Variants in ARHGEF4 observed in about 807,000 individuals in gnomAD.
The protein encoded by ARHGEF4 is Rho guanine nucleotide exchange factor 4, also known as APC-stimulated guanine nucleotide exchange factor 1.
A neutral mutation model predicts 162.0 loss-of-function variants in ARHGEF4; 119 were observed. The observed-to-expected ratio is 0.73, with a 90% CI of 0.63 to 0.86. The LOEUF is 0.86. ARHGEF4 is among the 40% of genes least tolerant of loss of function. The probability of loss-of-function intolerance (pLI) is 0.00; values close to 1 mark genes in which losing one functional copy is unlikely to be tolerated. For synonymous variants in ARHGEF4, 1,014 were observed against 979.9 expected (o/e 1.03, Z -0.65); for missense variants, 2,488 against 2,456.0 (o/e 1.01, Z -0.28).
At chr2:131,026,820 A>G (rs775151763) in intron 4 of ARHGEF4, among the ~76,000 whole-genome samples, 2 of 152,194 alleles carry the variant, frequency 1.3e-5, no homozygotes, top group Non-Finnish European at 2.9e-5. Flanking sequence ...TGGTGTGCCT[A>G]GGACCCAGCA....
At chr2:130,889,994 C>G (rs992736005) in intron 1 of ARHGEF4, among the ~76,000 whole-genome samples, 1 of 151,834 alleles carries the variant, frequency 6.6e-6, no homozygotes, top group Non-Finnish European at 1.5e-5. Context: ...GCATTTTTTC[C>G]TCCTCTGGCT....
At chr2:131,040,795 G>T (rs1049186662) in intron 8 of ARHGEF4, among the ~76,000 whole-genome samples, 1 of 152,210 alleles carries the variant, frequency 6.6e-6, no homozygotes, top group African/African-American at 2.4e-5. Flanking sequence ...TGCTTAGGCG[G>T]CAGATGCCGG....
intron 4 of ARHGEF4, among the ~76,000 whole-genome samples, chr2:130,990,403 A>T (rs529056893): frequency 5.9e-5 from 9 of 152,038 alleles, no homozygotes; most frequent in East Asian, 1.9e-4. Flanking sequence ...AAATAGATTT[A>T]TTATTATTAT....
chr2:130,936,812 T>C (rs1682968408), intron 3 of ARHGEF4, among the ~76,000 whole-genome samples: 1 of 152,062 alleles, frequency 6.6e-6, no homozygotes, highest in Non-Finnish European at 1.5e-5. Context: ...TGTAGATTCA[T>C]GTACTTTACC....
intron 3 of ARHGEF4, among the ~76,000 whole-genome samples, chr2:130,938,092 C>T (rs1405096170): frequency 6.6e-6 from 1 of 152,188 alleles, no homozygotes; most frequent in African/African-American, 2.4e-5. Context: ...TTTAATCATT[C>T]ACCTATTCGA....
intron 4 of ARHGEF4, among the ~76,000 whole-genome samples, chr2:131,025,688 C>T (rs970793280): frequency 6.6e-5 from 10 of 152,180 alleles, no homozygotes; most frequent in African/African-American, 2.2e-4. Context: ...AGTCATGGCT[C>T]CTGCCTTCAA....
At chr2:130,971,274 T>A (rs1232647673) in intron 4 of ARHGEF4, among the ~76,000 whole-genome samples, 1 of 152,230 alleles carries the variant, frequency 6.6e-6, no homozygotes, top group East Asian at 1.9e-4. Flanking sequence ...TAGTTTTAAG[T>A]CAGTTATGTG....
chr2:130,842,490 C>T (rs1558994563), intron 1 of ARHGEF4, among the ~76,000 whole-genome samples: 3 of 152,208 alleles, frequency 2.0e-5, no homozygotes, highest in African/African-American at 7.2e-5. Context: ...GTTATTACCT[C>T]ACTTTAAGCT....
At chr2:131,012,227 G>A (rs1353853862) in intron 4 of ARHGEF4, among the ~76,000 whole-genome samples, 1 of 152,028 alleles carries the variant, frequency 6.6e-6, no homozygotes, top group African/African-American at 2.4e-5. Flanking sequence ...GAGGTGTGGA[G>A]AGGGTTGGGC....
chr2:130,867,228 ATAT>A (rs979271560), intron 1 of ARHGEF4, among the ~76,000 whole-genome samples: 4 of 150,298 alleles, frequency 2.7e-5, no homozygotes, highest in South Asian at 2.1e-4. Context: ...TCCTTTTAAT[ATAT>A]TATTATTATT....
In ARHGEF4 at chr2:130,916,380, G is replaced by A; in HGVS notation, c.2434G>A (p.Gly812Arg). Residue 812 changes from glycine (G) to arginine (R), a missense_variant, in exon 2 of 14, where the codon GGA becomes AGA. Gly to Arg is a moderately radical substitution (Grantham distance 125, BLOSUM62 -2). Transcript: ENST00000409359. ...KGRPLATESP[G>R]GVPAPTTEGR... ...CAGGCCCTTGGCCACTGAGAGCCCAGGAGGGGTCCCGGCCCCGACCACCGA... is the reference window on the plus strand; with the variant it reads ...CAGGCCCTTGGCCACTGAGAGCCCAAGAGGGGTCCCGGCCCCGACCACCGA... 6.5e-7 allele frequency: 1 copy of A among 1,535,998 alleles called. No homozygotes were observed. Among genetic ancestry groups the A allele is most frequent in the Non-Finnish European group, 8.7e-7 (1 of 1,143,494 alleles).
intron 1 of ARHGEF4, among the ~76,000 whole-genome samples, chr2:130,870,923 G>A (rs1281001203): frequency 6.6e-6 from 1 of 152,142 alleles, no homozygotes; most frequent in Non-Finnish European, 1.5e-5. Context: ...AGCTCTCCTA[G>A]ATCTAAGTGC....
At chr2:130,840,650 T>C (rs1488124887) in intron 1 of ARHGEF4, among the ~76,000 whole-genome samples, 1 of 152,154 alleles carries the variant, frequency 6.6e-6, no homozygotes, top group African/African-American at 2.4e-5. Flanking sequence ...GAAATTGCCA[T>C]AGGACAGGTT....
intron 1 of ARHGEF4, among the ~76,000 whole-genome samples, chr2:130,866,099 A>T (rs1344824892): frequency 6.6e-6 from 1 of 152,176 alleles, no homozygotes; most frequent in African/African-American, 2.4e-5. Flanking sequence ...GGCTGGGCTC[A>T]GTTGCTCACA....
chr2:130,851,461 G>A (rs1373111965), intron 1 of ARHGEF4, among the ~76,000 whole-genome samples: 1 of 152,230 alleles, frequency 6.6e-6, no homozygotes, highest in African/African-American at 2.4e-5. Flanking sequence ...AGCCAGAACC[G>A]GGTGCGGTTC....
intron 1 of ARHGEF4, among the ~76,000 whole-genome samples, chr2:130,883,692 G>T (rs771660395): frequency 2.6e-5 from 4 of 152,130 alleles, no homozygotes; most frequent in Admixed American, 6.5e-5. Context: ...GGTGGGACAG[G>T]CAGAGCTGCA....
rs1308029905 is a variant in ARHGEF4, at chr2:130,914,112, C to T, written c.166C>T (p.Leu56=). Residue 56 remains leucine, a synonymous_variant, in exon 2 of 14, where the codon CTG becomes TTG. Coordinates refer to ENST00000409359, the MANE Select transcript of ARHGEF4 (RefSeq NM_001367493.1). ...AACAGACCGCGATGATTCTGAAACG[C>T]TGTCCCAGCAGAGTGAAAGTGGATC... The part of the protein sequence containing the change: ...QQTDRDDSET[L]SQQSESGSDT... 6.5e-7 allele frequency: 1 copy of T among 1,536,064 alleles called. No homozygotes were observed. The highest frequency in any genetic ancestry group is 2.4e-5 in the East Asian group (1 of 40,920).
intron 4 of ARHGEF4, among the ~76,000 whole-genome samples, chr2:130,948,393 C>T (rs13017032): frequency 0.58 from 87,652 of 152,130 alleles, 29,651 homozygotes; most frequent in East Asian, 0.84. Flanking sequence ...GTTGAAGAAA[C>T]TTTCCCAATT....
chr2:130,848,443 C>T (rs1290675648), intron 1 of ARHGEF4, among the ~76,000 whole-genome samples: 1 of 152,206 alleles, frequency 6.6e-6, no homozygotes, highest in Non-Finnish European at 1.5e-5. Flanking sequence ...CAGGGGCTTC[C>T]GAGCCCTCTG....
Sources: allele counts gnomAD v4.1 joint callset (sites outside exome capture counted in the v4.1 genomes callset), GRCh38; gene constraint gnomAD v4.1.1; transcripts MANE v1.5; gene names NCBI Gene and HGNC (gene_info 2026-07-23, HGNC 2026-07-21).